DPF3: variants seen among roughly 807,000 people sequenced by gnomAD.
DPF3 encodes the protein double PHD fingers 3, also known as zinc finger protein DPF3.
DPF3 carries 18 observed loss-of-function variants against 56.8 expected under a neutral mutation model. The ratio of observed to expected loss-of-function variants is 0.32; its 90% confidence interval spans 0.22 to 0.47. The LOEUF is 0.47. Ranked by LOEUF, DPF3 falls within the 20% of genes least tolerant of loss-of-function variation. The pLI, the probability that DPF3 is intolerant of heterozygous loss-of-function variation, is 1.00. For synonymous variants in DPF3, 188 were observed against 180.2 expected (o/e 1.04, Z -0.35); for missense variants, 403 against 488.8 (o/e 0.82, Z 1.65).
At chr14:72,683,660 G>A (rs973865174) in intron 7 of DPF3, among the ~76,000 whole-genome samples, 1 of 152,164 alleles carries the variant, frequency 6.6e-6, no homozygotes, top group Admixed American at 6.5e-5. Flanking sequence ...GCGCACCTGA[G>A]GGGAGGTGAG....
chr14:72,705,265 G>A (rs1440408943), intron 6 of DPF3, among the ~76,000 whole-genome samples: 4 of 151,956 alleles, frequency 2.6e-5, no homozygotes, highest in Admixed American at 2.6e-4. Context: ...GCACATGCAA[G>A]AGATCTAGGT....
At chr14:72,893,005 A>C (rs28402069) in intron 1 of DPF3, among the ~76,000 whole-genome samples, 1,309 of 88,274 alleles carry the variant, frequency 0.015, 73 homozygotes, top group South Asian at 0.046. Context: ...GGAAGGAAGG[A>C]AGGAAGGAAG....
chr14:72,816,384 G>A (rs960048531), intron 1 of DPF3, among the ~76,000 whole-genome samples: 1 of 152,160 alleles, frequency 6.6e-6, no homozygotes, highest in Non-Finnish European at 1.5e-5. Flanking sequence ...TCCATCGTAT[G>A]AGTCTAATGG....
At chr14:72,799,561 T>A (rs1309262345) in intron 1 of DPF3, among the ~76,000 whole-genome samples, 2 of 151,704 alleles carry the variant, frequency 1.3e-5, no homozygotes, top group African/African-American at 4.9e-5. Flanking sequence ...GAGGCTGAGG[T>A]AAGAGGATCG....
At chr14:72,888,097 T>G (rs1179624530) in intron 1 of DPF3, among the ~76,000 whole-genome samples, 1 of 152,192 alleles carries the variant, frequency 6.6e-6, no homozygotes, top group African/African-American at 2.4e-5. Context: ...AACTGAGGCC[T>G]GGCTGGTGAG....
Position 72,610,146 on chromosome 14 carries a change from T to C in DPF3, c.*9151A>G, listed in dbSNP as rs1023802719. Among the ~76,000 whole-genome samples, 1 of 152,198 alleles carries C rather than the reference T, an allele frequency of 6.6e-6. No individual in the cohort carries two copies. The highest frequency in any genetic ancestry group is 1.5e-5 in the Non-Finnish European group (1 of 68,030). ...CAGTGGCTTCCCTCTCTGGTGCCCA[T>C]ACCTGGAAGAAGCAATCCCAGGTTT... On this transcript the variant is annotated 3_prime_UTR_variant, in exon 11 of 11. Transcript: ENST00000556509.
intron 6 of DPF3, among the ~76,000 whole-genome samples, chr14:72,701,742 T>C (rs1484307598): frequency 6.6e-6 from 1 of 152,150 alleles, no homozygotes; most frequent in Non-Finnish European, 1.5e-5. Context: ...TCCGAGAGAC[T>C]GAAAGCAGTG....
intron 2 of DPF3, among the ~76,000 whole-genome samples, chr14:72,766,967 C>T (rs1891312450): frequency 6.6e-6 from 1 of 152,162 alleles, no homozygotes; most frequent in South Asian, 2.1e-4. Context: ...GAGCTGGTGC[C>T]TTGTGGTATC....
intron 8 of DPF3, among the ~76,000 whole-genome samples, chr14:72,647,315 C>T (rs1885755854): frequency 6.6e-6 from 1 of 152,164 alleles, no homozygotes; most frequent in South Asian, 2.1e-4. Flanking sequence ...TCGACATACC[C>T]GTAAGTGTTT....
At chr14:72,830,612 T>C (rs549354834) in intron 1 of DPF3, among the ~76,000 whole-genome samples, 1 of 152,186 alleles carries the variant, frequency 6.6e-6, no homozygotes, top group South Asian at 2.1e-4. Context: ...GGAATAGATG[T>C]GACGCACTTA....
intron 6 of DPF3, among the ~76,000 whole-genome samples, chr14:72,711,846 G>A (rs775816571): frequency 3.3e-5 from 5 of 151,976 alleles, no homozygotes; most frequent in Middle Eastern, 3.2e-3. Context: ...CCCTAGGGAC[G>A]CTCGAGGAGG....
chr14:72,773,708 A>G (rs1891637654), intron 1 of DPF3: 1 of 404,900 alleles, frequency 2.5e-6, no homozygotes, highest in Non-Finnish European at 4.8e-6. Flanking sequence ...ATAAAAGTGG[A>G]GTCATACAGT....
At chr14:72,784,981 A>G (rs1443497565) in intron 1 of DPF3, among the ~76,000 whole-genome samples, 3 of 150,988 alleles carry the variant, frequency 2.0e-5, no homozygotes, top group Non-Finnish European at 2.9e-5. Context: ...TTGAAAATGA[A>G]TATGGTATGA....
intron 6 of DPF3, among the ~76,000 whole-genome samples, chr14:72,711,811 A>C (rs56229367): frequency 0.051 from 7,756 of 152,128 alleles, 673 homozygotes; most frequent in African/African-American, 0.18. Flanking sequence ...ATCATGGAAG[A>C]AAGGGCAGCT....
chr14:72,785,346 C>G (rs1175915486), intron 1 of DPF3, among the ~76,000 whole-genome samples: 1 of 152,180 alleles, frequency 6.6e-6, no homozygotes, highest in African/African-American at 2.4e-5. Context: ...TTTATACCCA[C>G]CCCCTCACAC....
intron 8 of DPF3, among the ~76,000 whole-genome samples, chr14:72,647,492 ACT>A (rs1268282967): frequency 4.0e-5 from 6 of 151,872 alleles, no homozygotes; most frequent in African/African-American, 9.7e-5. Flanking sequence ...GGCACCATAT[ACT>A]CTCTCCCCAA....
intron 8 of DPF3, among the ~76,000 whole-genome samples, chr14:72,655,767 T>A (rs551065791): frequency 6.6e-6 from 1 of 152,314 alleles, no homozygotes; most frequent in African/African-American, 2.4e-5. Context: ...AGAATACATA[T>A]CCGTGAAACT....
chr14:72,792,706 G>A (rs1386021894), intron 1 of DPF3, among the ~76,000 whole-genome samples: 12 of 151,866 alleles, frequency 7.9e-5, no homozygotes, highest in East Asian at 5.8e-4. Flanking sequence ...CCCTCCCAGC[G>A]AAGTCCCATC....
At chr14:72,893,683 C>T (rs1264550123) in intron 1 of DPF3, among the ~76,000 whole-genome samples, 3 of 151,902 alleles carry the variant, frequency 2.0e-5, no homozygotes, top group Non-Finnish European at 4.4e-5. Flanking sequence ...CCCAGCAGCC[C>T]CCGAAGCCGC....
Sources: allele counts gnomAD v4.1 joint callset (sites outside exome capture counted in the v4.1 genomes callset), GRCh38; gene constraint gnomAD v4.1.1; transcripts MANE v1.5; gene names NCBI Gene and HGNC (gene_info 2026-07-23, HGNC 2026-07-21).